Variants in KIF5B observed in about 807,000 individuals in gnomAD.
KIF5B encodes the protein kinesin family member 5B.
In KIF5B, 49 loss-of-function variants were observed where a neutral mutation model predicts 132.8. The observed-to-expected ratio is 0.37, with a 90% CI of 0.29 to 0.47. The LOEUF is 0.47. Among genes scored for constraint, KIF5B ranks in the 20% least tolerant of loss-of-function variants. The pLI is 1.00. For synonymous variants in KIF5B, 355 were observed against 369.4 expected (o/e 0.96, Z 0.45); for missense variants, 780 against 1,144.0 (o/e 0.68, Z 4.59).
At chr10:32,012,205 G>C (rs1841092780) in intron 25 of KIF5B, among the ~76,000 whole-genome samples, 1 of 152,152 alleles carries the variant, frequency 6.6e-6, no homozygotes, top group Non-Finnish European at 1.5e-5. Context: ...GGGCACAGTG[G>C]CTCACACCTG....
In KIF5B at chr10:32,055,895, C is replaced by T; in HGVS notation, c.79G>A (p.Asp27Asn). The T allele has an allele frequency of 6.2e-7, 1 of 1,612,928 alleles. No individual in the cohort carries two copies. Among genetic ancestry groups the T allele is most frequent in the Non-Finnish European group, 8.5e-7 (1 of 1,179,852 alleles). Reference protein sequence around the residue: ...PLNESEVNRGDKYIAKFQGED... With the variant: ...PLNESEVNRGNKYIAKFQGED... ...CCCTGAAACTTGGCGATGTACTTGT[C>T]GCCGCGGTTCACTTCAGACTCGTTG... The change falls in exon 1 of 26, where the codon GAC becomes AAC. Residue 27 changes from aspartate to asparagine, a missense_variant. Asp to Asn is a conservative substitution (Grantham distance 23, BLOSUM62 1). This residue lies in a region of KIF5B where 66 missense variants were observed against 83.4 expected (regional missense o/e 0.79). Transcript: ENST00000302418.
At chr10:32,038,892 C>A (rs2132606120) in intron 4 of KIF5B, 66 bp from the exon 5 acceptor site, 1 of 964,598 alleles carries the variant, frequency 1.0e-6, no homozygotes, top group South Asian at 1.4e-5. Flanking sequence ...ATATTGAGGT[C>A]TGAGTGCTAG....
At chr10:32,020,381 T>TAA (rs978994766) in intron 19 of KIF5B, among the ~76,000 whole-genome samples, 3 of 141,758 alleles carry the variant, frequency 2.1e-5, no homozygotes, top group African/African-American at 5.2e-5. Context: ...GATGACAACT[T>TAA]AAAAAAAAAA....
chr10:32,017,959 T>C (rs995579997), intron 23 of KIF5B, 93 bp downstream of exon 23: 3 of 593,034 alleles, frequency 5.1e-6, no homozygotes, highest in Admixed American at 2.7e-5. Context: ...TAAAAATTCC[T>C]GAGGACTCTG....
intron 1 of KIF5B, among the ~76,000 whole-genome samples, chr10:32,050,190 C>G (rs895472832): frequency 2.0e-5 from 3 of 152,196 alleles, no homozygotes; most frequent in Non-Finnish European, 4.4e-5. Context: ...ACCTACTACC[C>G]TCCACATCCC....
intron 15 of KIF5B, among the ~76,000 whole-genome samples, chr10:32,025,572 C>T (rs1841324172): frequency 6.6e-6 from 1 of 152,154 alleles, no homozygotes. Flanking sequence ...GATGGGACTT[C>T]ACCACTTTGG....
At position 32,028,658 on chromosome 10, in the gene KIF5B, C is replaced by T. The variant is rs990153644; in HGVS notation, c.1582-87G>A. ...CTCATCGGTGTTTCAAGTTTTACAC[C>T]AAGCCCTTACGAAACCATGTCTTTT... On this transcript the variant is annotated intron_variant, in intron 14 of 25. Transcript: ENST00000302418. 28 of 1,116,406 alleles carry T rather than the reference C, an allele frequency of 2.5e-5. No individual in the cohort carries two copies. In the African/African-American group the frequency reaches 4.2e-4, roughly 17 times the overall value. The allele number at this position is 1,116,406 out of a possible 1,614,324, so 69.2% of individuals were successfully genotyped here. A position where few individuals can be genotyped will look rare whatever the true frequency, so the allele number is the denominator to read the frequency against.
chr10:32,041,806 G>A (rs1470614352), intron 2 of KIF5B, among the ~76,000 whole-genome samples: 1 of 152,110 alleles, frequency 6.6e-6, no homozygotes, highest in Non-Finnish European at 1.5e-5. Context: ...AAAAAATTTT[G>A]TAGAGACAGG....
chr10:32,049,732 C>G (rs1433276019), intron 1 of KIF5B, among the ~76,000 whole-genome samples: 2 of 137,328 alleles, frequency 1.5e-5, no homozygotes, highest in African/African-American at 2.7e-5. Context: ...GGGTATTGAA[C>G]AAAAAAAAAA....
At chr10:32,046,630 C>A (rs1276309097) in intron 2 of KIF5B, among the ~76,000 whole-genome samples, 3 of 152,066 alleles carry the variant, frequency 2.0e-5, no homozygotes, top group Non-Finnish European at 4.4e-5. Flanking sequence ...GTTGCCCAGG[C>A]TGGTCTCAAA....
At position 32,049,959 on chromosome 10, in the gene KIF5B, G is replaced by A. The variant is rs190774278; in HGVS notation, c.127-1408C>T. On this transcript the variant is annotated intron_variant, in intron 1 of 25. Coordinates refer to ENST00000302418, the MANE Select transcript of KIF5B (RefSeq NM_004521.3). ...TTTTTTTAAGACTTGTAAGACCTGAGGTAGTTTAAATGCTTGCAGGAACAA... is the reference window on the plus strand; with the variant it reads ...TTTTTTTAAGACTTGTAAGACCTGAAGTAGTTTAAATGCTTGCAGGAACAA... 4.9e-3 allele frequency among the ~76,000 whole-genome samples: 746 copies of A among 152,172 alleles called. 10 individuals are homozygous for A. The highest frequency in any genetic ancestry group is 0.017 in the African/African-American group (707 of 41,514).
At position 32,024,146 on chromosome 10, in the gene KIF5B, C is replaced by CCTTTT. The variant is rs1554800857; in HGVS notation, c.1726-1111_1726-1110insAAAAG. 8.3e-4 allele frequency among the ~76,000 whole-genome samples: 58 copies of CCTTTT among 69,722 alleles called. 4 individuals carry two copies. The highest frequency in any genetic ancestry group is 1.8e-3 in the South Asian group (3 of 1,650). The allele number at this position is 69,722 out of a possible 152,430, so 45.7% of individuals were successfully genotyped here. ...TTATATCCAAAACATATGAAGAACT[C>CCTTTT]TTTTTTTTTTTTTTTTTTTTTTTTT... On this transcript the variant is annotated intron_variant, in intron 15 of 25. Transcript: ENST00000302418.
At chr10:32,052,967 A>C (rs1024692289) in intron 1 of KIF5B, among the ~76,000 whole-genome samples, 4 of 152,246 alleles carry the variant, frequency 2.6e-5, no homozygotes. Flanking sequence ...TTATAAGAAA[A>C]TCAGAATCCT....
At chr10:32,020,400 G>GA (rs1324343880) in intron 19 of KIF5B, among the ~76,000 whole-genome samples, 1 of 150,728 alleles carries the variant, frequency 6.6e-6, no homozygotes, top group Non-Finnish European at 1.5e-5. Context: ...AAAAACCTTT[G>GA]AAAATCCATA....
At position 32,056,117 on chromosome 10, in the gene KIF5B, G is replaced by C. The variant is rs1313041383; in HGVS notation, c.-144C>G. ...GCCGCGCTGCGCTTCCCCGGGTGGA[G>C]GCGGCCGGGGAGCCGGGACTTGAAG... On this transcript the variant is annotated 5_prime_UTR_variant, in exon 1 of 26. Coordinates refer to ENST00000302418, the MANE Select transcript of KIF5B (RefSeq NM_004521.3). The C allele has an allele frequency of 1.4e-5, 14 of 992,884 alleles. No homozygotes were observed. The highest frequency in any genetic ancestry group is 1.9e-5 in the Non-Finnish European group (13 of 701,388). The allele number at this position is 992,884 out of a possible 1,614,324, so 61.5% of individuals were successfully genotyped here.
In KIF5B at chr10:32,035,681, C is replaced by T; in HGVS notation, c.817-14G>A. On this transcript the variant is annotated splice_polypyrimidine_tract_variant and intron_variant, in intron 9 of 25. Coordinates refer to ENST00000302418, the MANE Select transcript of KIF5B (RefSeq NM_004521.3). ...TGGAACATATGTCTGCATACAAAAACAAAGAAAGAAAACAAGACCAGTATA... is the reference window on the plus strand; with the variant it reads ...TGGAACATATGTCTGCATACAAAAATAAAGAAAGAAAACAAGACCAGTATA... The T allele has an allele frequency of 6.3e-7, 1 of 1,586,198 alleles. No homozygotes were observed.
At chr10:32,054,405 T>C (rs1841728445) in intron 1 of KIF5B, among the ~76,000 whole-genome samples, 1 of 152,234 alleles carries the variant, frequency 6.6e-6, no homozygotes, top group Admixed American at 6.5e-5. Context: ...TACACAGTAA[T>C]AGTTGGCAAT....
At chr10:32,033,440 G>C (rs776870743) in intron 12 of KIF5B, among the ~76,000 whole-genome samples, 1 of 152,164 alleles carries the variant, frequency 6.6e-6, no homozygotes, top group African/African-American at 2.4e-5. Flanking sequence ...AGCTGTGCAT[G>C]CAAGAGATCT....
At chr10:32,042,679 T>C (rs370640538) in intron 2 of KIF5B, among the ~76,000 whole-genome samples, 10 of 152,192 alleles carry the variant, frequency 6.6e-5, no homozygotes, top group African/African-American at 2.4e-4. Context: ...CCCTTTTAAA[T>C]ATACTTTTGC....
Sources: allele counts gnomAD v4.1 joint callset (sites outside exome capture counted in the v4.1 genomes callset), GRCh38; gene constraint gnomAD v4.1.1; regional missense constraint gnomAD v4.1.1; transcripts MANE v1.5; gene names NCBI Gene and HGNC (gene_info 2026-07-23, HGNC 2026-07-21).